Variants in PCOLCE2 observed in about 807,000 individuals in gnomAD.
PCOLCE2 encodes the protein procollagen C-endopeptidase enhancer 2.
In PCOLCE2, 42 loss-of-function variants were observed where a neutral mutation model predicts 47.0. The observed-to-expected ratio is 0.89, with a 90% CI of 0.70 to 1.16. The LOEUF (loss-of-function observed/expected upper bound fraction) is 1.16. Ranked by LOEUF, PCOLCE2 falls within the 50% of genes most tolerant of loss-of-function variation. The pLI, the probability that PCOLCE2 is intolerant of heterozygous loss-of-function variation, is 0.00. For missense variants in PCOLCE2, 500 were observed against 526.1 expected (o/e 0.95, Z 0.49); for synonymous variants, 169 against 191.7 (o/e 0.88, Z 0.98).
intron 2 of PCOLCE2, among the ~76,000 whole-genome samples, chr3:142,853,009 C>T (rs1228885649): frequency 1.3e-5 from 2 of 149,116 alleles, no homozygotes; most frequent in South Asian, 2.1e-4. Flanking sequence ...AGGAGGCTGA[C>T]GTGTGAGGAT....
chr3:142,864,435 G>A (rs1009032276), intron 2 of PCOLCE2: 3 of 152,220 alleles, frequency 2.0e-5, no homozygotes, highest in Admixed American at 2.0e-4. Context: ...TGATATTTCA[G>A]ACCCAGTTCA....
intron 2 of PCOLCE2, among the ~76,000 whole-genome samples, chr3:142,868,774 C>A (rs1299283837): frequency 5.3e-5 from 8 of 152,212 alleles, no homozygotes; most frequent in Non-Finnish European, 4.4e-5. Flanking sequence ...GGGATAAGAA[C>A]CCCTTCCCCT....
chr3:142,848,066 C>T lies in PCOLCE2; in HGVS notation c.448+151G>A, dbSNP rs1937346311. 1.0e-5 allele frequency: 7 copies of T among 701,358 alleles called. No individual in the cohort carries two copies. In the East Asian group the frequency reaches 1.9e-4, roughly 19 times the overall value. The allele number at this position is 701,358 out of a possible 1,614,324, so 43.4% of individuals were successfully genotyped here. ...ATGCATGTGGACTTAAATTAAAAGGCTGATTTTTTGTATTGGTCTCATCAT... is the reference window on the plus strand; with the variant it reads ...ATGCATGTGGACTTAAATTAAAAGGTTGATTTTTTGTATTGGTCTCATCAT... On this transcript the variant is annotated intron_variant, in intron 3 of 8. Coordinates refer to ENST00000295992, the MANE Select transcript of PCOLCE2 (RefSeq NM_013363.4).
chr3:142,821,442 C>T (rs542148443), intron 7 of PCOLCE2, among the ~76,000 whole-genome samples: 7 of 152,184 alleles, frequency 4.6e-5, no homozygotes, highest in East Asian at 1.9e-4. Flanking sequence ...AAAGATTGCG[C>T]GATGGGGGTT....
intron 4 of PCOLCE2, among the ~76,000 whole-genome samples, chr3:142,841,939 C>T (rs766444105): frequency 4.6e-5 from 7 of 152,052 alleles, no homozygotes; most frequent in Non-Finnish European, 8.8e-5. Context: ...TAAGTTCTTT[C>T]CTGCAATTAA....
chr3:142,848,125 A>T, intron 3 of PCOLCE2, 92 bp downstream of exon 3: 1 of 1,317,014 alleles, frequency 7.6e-7, no homozygotes, highest in Non-Finnish European at 1.1e-6. Flanking sequence ...TTTGAGAACC[A>T]CTCTTAAGCT....
At position 142,886,035 on chromosome 3, in the gene PCOLCE2, C is replaced by T. The variant is rs897696900; in HGVS notation, c.192+1634G>A. Among the ~76,000 whole-genome samples the T allele has an allele frequency of 3.1e-4, 47 of 152,188 alleles. 1 individual carries two copies. Among genetic ancestry groups the T allele is most frequent in the African/African-American group, 1.1e-3 (45 of 41,432 alleles). ...TCCTAAGGTTTAAAGGAGGTAGATCCTGGACACACAGTTTATGGCGGTGAA... is the reference window on the plus strand; with the variant it reads ...TCCTAAGGTTTAAAGGAGGTAGATCTTGGACACACAGTTTATGGCGGTGAA... On this transcript the variant is annotated intron_variant, in intron 2 of 8. Coordinates refer to ENST00000295992, the MANE Select transcript of PCOLCE2 (RefSeq NM_013363.4).
intron 2 of PCOLCE2, among the ~76,000 whole-genome samples, chr3:142,870,184 T>C (rs958292527): frequency 5.9e-5 from 9 of 152,192 alleles, no homozygotes; most frequent in Non-Finnish European, 8.8e-5. Context: ...TGGCAGCAAG[T>C]GCTTGCTAGC....
intron 2 of PCOLCE2, among the ~76,000 whole-genome samples, chr3:142,849,376 T>C (rs1937365921): frequency 6.6e-6 from 1 of 152,178 alleles, no homozygotes; most frequent in African/African-American, 2.4e-5. Context: ...ACTAAGTTTT[T>C]TGCTCATTTG....
In PCOLCE2 at chr3:142,824,973, A is replaced by G. The variant is rs1314545497; in HGVS notation, c.866-1358T>C. 2.0e-5 allele frequency among the ~76,000 whole-genome samples: 3 copies of G among 152,196 alleles called. No individual in the cohort carries two copies. In the East Asian group the frequency reaches 5.8e-4, roughly 29 times the overall value. On this transcript the variant is annotated intron_variant, in intron 6 of 8. Transcript: ENST00000295992. ...GTACCCCCTAGTTAACTCCAGAAAG[A>G]ATCTGAAGCAGATGGCAATATTAAA...
rs1207754082 is a variant in PCOLCE2 at position 142,818,068 on chromosome 3, G to C, written c.*267C>G. The C allele has an allele frequency of 3.1e-6, 1 of 323,490 alleles. No individual in the cohort carries two copies. Among genetic ancestry groups the C allele is most frequent in the Non-Finnish European group, 5.7e-6 (1 of 174,016 alleles). 20.0% of individuals were successfully genotyped at this position (323,490 alleles called of 1,614,324 possible). ...ATGTATAAATAAACGCTTCCAAGCT[G>C]TCAACGCTTGACACTTTTAGCTTCC... On this transcript the variant is annotated 3_prime_UTR_variant, in exon 9 of 9. Transcript: ENST00000295992.
At chr3:142,863,947 C>T (rs927811597) in intron 2 of PCOLCE2, 33 of 152,088 alleles carry the variant, frequency 2.2e-4, no homozygotes, top group African/African-American at 7.7e-4. Context: ...AATCATTTTG[C>T]TCAGATGGTG....
At chr3:142,844,472 T>C (rs34437609) in intron 3 of PCOLCE2, among the ~76,000 whole-genome samples, 2,596 of 152,332 alleles carry the variant, frequency 0.017, 35 homozygotes, top group South Asian at 0.041. Context: ...TTTAACTTCA[T>C]AAAAAACTAC....
chr3:142,863,327 AAAG>A (rs1173913075), intron 2 of PCOLCE2, among the ~76,000 whole-genome samples: 1 of 152,202 alleles, frequency 6.6e-6, no homozygotes, highest in African/African-American at 2.4e-5. Flanking sequence ...TTTGCTTTAG[AAAG>A]AAGTAGGGCA....
At chr3:142,865,071 G>C (rs1196583153) in intron 2 of PCOLCE2, among the ~76,000 whole-genome samples, 2 of 151,994 alleles carry the variant, frequency 1.3e-5, no homozygotes, top group Non-Finnish European at 2.9e-5. Flanking sequence ...GTTTTCCAAA[G>C]TGGCTGTACC....
At chr3:142,826,476 C>A (rs1937079601) in intron 6 of PCOLCE2, among the ~76,000 whole-genome samples, 2 of 152,174 alleles carry the variant, frequency 1.3e-5, no homozygotes, top group African/African-American at 2.4e-5. Flanking sequence ...CTGGAGCCAG[C>A]CCCTCTCACC....
intron 2 of PCOLCE2, among the ~76,000 whole-genome samples, chr3:142,850,917 G>A (rs1355018661): frequency 6.6e-6 from 1 of 152,182 alleles, no homozygotes; most frequent in Non-Finnish European, 1.5e-5. Context: ...AACTGATGAA[G>A]CAAGAGAGAG....
chr3:142,831,828 G>A (rs540580764), intron 5 of PCOLCE2, among the ~76,000 whole-genome samples: 18 of 152,320 alleles, frequency 1.2e-4, no homozygotes, highest in African/African-American at 3.8e-4. Flanking sequence ...CTTGGGGGTA[G>A]TATATTGGAA....
intron 6 of PCOLCE2, among the ~76,000 whole-genome samples, chr3:142,825,440 C>G (rs1304723911): frequency 6.6e-6 from 1 of 152,154 alleles, no homozygotes; most frequent in Non-Finnish European, 1.5e-5. Flanking sequence ...GCGATCGTTT[C>G]TATGGGTCCA....
Sources: allele counts gnomAD v4.1 joint callset (sites outside exome capture counted in the v4.1 genomes callset), GRCh38; gene constraint gnomAD v4.1.1; transcripts MANE v1.5; gene names NCBI Gene and HGNC (gene_info 2026-07-23, HGNC 2026-07-21).